The following NKAIN3 variants were observed in gnomAD, a reference collection of about 807,000 sequenced individuals.
NKAIN3 encodes the protein sodium/potassium transporting ATPase interacting 3.
In NKAIN3, 25 loss-of-function variants were observed where a neutral mutation model predicts 30.2. The observed-to-expected ratio is 0.83, with a 90% CI of 0.60 to 1.16. The LOEUF is 1.16. NKAIN3 is among the 50% of genes most tolerant of loss of function. The pLI is 0.00. For missense variants in NKAIN3, 225 were observed against 254.1 expected (o/e 0.89, Z 0.78); for synonymous variants, 91 against 89.6 (o/e 1.02, Z -0.09).
intron 5 of NKAIN3, among the ~76,000 whole-genome samples, chr8:62,948,208 CT>C (rs1253510882): frequency 7.1e-6 from 1 of 140,754 alleles, no homozygotes; most frequent in African/African-American, 2.7e-5. Flanking sequence ...TTTTTTTTTT[CT>C]TTTTTTGAGA....
chr8:62,613,582 GTTA>G (rs1277473474), intron 3 of NKAIN3, among the ~76,000 whole-genome samples: 1 of 151,970 alleles, frequency 6.6e-6, no homozygotes. Context: ...GACTTTCTCT[GTTA>G]TTATCCTTTT....
At chr8:62,750,968 A>G (rs1365885779) in intron 4 of NKAIN3, among the ~76,000 whole-genome samples, 3 of 152,124 alleles carry the variant, frequency 2.0e-5, no homozygotes, top group Non-Finnish European at 4.4e-5. Flanking sequence ...CCTACACTTC[A>G]TGCATGCCTC....
intron 3 of NKAIN3, among the ~76,000 whole-genome samples, chr8:62,700,176 G>T (rs7350120): frequency 8.5e-5 from 13 of 152,144 alleles, no homozygotes; most frequent in Admixed American, 2.0e-4. Flanking sequence ...AATGACTTTA[G>T]GTAGTTTAGG....
chr8:62,938,741 A>T (rs1822861444), intron 5 of NKAIN3, among the ~76,000 whole-genome samples: 1 of 152,192 alleles, frequency 6.6e-6, no homozygotes, highest in South Asian at 2.1e-4. Flanking sequence ...AAACAAAAGA[A>T]TCTGAACAGC....
intron 1 of NKAIN3, among the ~76,000 whole-genome samples, chr8:62,561,450 G>C (rs1411281367): frequency 6.6e-6 from 1 of 152,076 alleles, no homozygotes; most frequent in Non-Finnish European, 1.5e-5. Context: ...CCATGAATGA[G>C]GCACAAATAA....
intron 4 of NKAIN3, among the ~76,000 whole-genome samples, chr8:62,854,471 A>C (rs994510792): frequency 3.3e-5 from 5 of 151,974 alleles, no homozygotes; most frequent in African/African-American, 1.2e-4. Flanking sequence ...TGTCCTTTTG[A>C]TCTTTGTTAG....
chr8:62,423,302 C>G (rs944002980), intron 1 of NKAIN3, among the ~76,000 whole-genome samples: 4 of 152,044 alleles, frequency 2.6e-5, no homozygotes, highest in African/African-American at 9.6e-5. Flanking sequence ...GTCCCTTACT[C>G]ATCAGATTTA....
intron 1 of NKAIN3, among the ~76,000 whole-genome samples, chr8:62,440,373 A>G (rs1396454881): frequency 2.0e-5 from 3 of 152,196 alleles, no homozygotes; most frequent in East Asian, 3.9e-4. Flanking sequence ...TGCTGCTGAA[A>G]TGAGAGCATT....
chr8:62,272,987 A>G (rs2129393426), intron 1 of NKAIN3, among the ~76,000 whole-genome samples: 1 of 152,282 alleles, frequency 6.6e-6, no homozygotes, highest in East Asian at 1.9e-4. Context: ...TTTAGATACC[A>G]AAGGTCATTC....
At chr8:62,693,204 A>G (rs1814038091) in intron 3 of NKAIN3, among the ~76,000 whole-genome samples, 1 of 152,174 alleles carries the variant, frequency 6.6e-6, no homozygotes. Flanking sequence ...GCCTCACTTA[A>G]TTTTAATTGG....
At chr8:62,617,027 A>G (rs962962312) in intron 3 of NKAIN3, among the ~76,000 whole-genome samples, 2 of 152,002 alleles carry the variant, frequency 1.3e-5, no homozygotes, top group African/African-American at 4.8e-5. Context: ...AGTGTGTGGC[A>G]CCTTCTCCCT....
chr8:62,672,392 T>C (rs1654404576), intron 3 of NKAIN3, among the ~76,000 whole-genome samples: 1 of 152,194 alleles, frequency 6.6e-6, no homozygotes, highest in Non-Finnish European at 1.5e-5. Flanking sequence ...ACAGGACTTA[T>C]GAGACTCTGA....
chr8:62,316,151 C>G (rs1315547320), intron 1 of NKAIN3, among the ~76,000 whole-genome samples: 1 of 152,064 alleles, frequency 6.6e-6, no homozygotes, highest in Non-Finnish European at 1.5e-5. Flanking sequence ...TGAGGCCTCC[C>G]CAGCCCTACA....
chr8:62,924,770 T>C (rs1005692822), intron 5 of NKAIN3, among the ~76,000 whole-genome samples: 1 of 152,186 alleles, frequency 6.6e-6, no homozygotes. Context: ...AGAGTTCTGT[T>C]GTGAAAAGTT....
At chr8:62,642,394 T>C (rs1397885936) in intron 3 of NKAIN3, among the ~76,000 whole-genome samples, 1 of 152,108 alleles carries the variant, frequency 6.6e-6, no homozygotes, top group Non-Finnish European at 1.5e-5. Flanking sequence ...CATAACACAT[T>C]CTCACACCTA....
intron 3 of NKAIN3, among the ~76,000 whole-genome samples, chr8:62,622,037 A>T (rs115179095): frequency 0.02 from 3,006 of 152,190 alleles, 101 homozygotes; most frequent in African/African-American, 0.069. Flanking sequence ...TGTTATAGAA[A>T]TGCAATTTTA....
rs906113558 is a variant in NKAIN3, at chr8:62,983,257, T to A, written c.*17850T>A. 3 of 152,138 alleles carry A rather than the reference T, an allele frequency of 2.0e-5. No individual in the cohort carries two copies. The highest frequency in any genetic ancestry group is 7.2e-5 in the African/African-American group (3 of 41,408). The allele number at this position is 152,138 out of a possible 1,614,324, so 9.4% of individuals were successfully genotyped here. On this transcript the variant is annotated 3_prime_UTR_variant, in exon 7 of 7. Coordinates refer to ENST00000623646, the MANE Select transcript of NKAIN3 (RefSeq NM_001304533.3). The stretch of plus-strand genomic sequence containing the variant: ...AATATAAAGCAAAAAAAACAGATTC[T>A]ACCCACCGGGAGCTCCTAGTCCAGT...
At chr8:62,525,459 A>G (rs544017215) in intron 1 of NKAIN3, among the ~76,000 whole-genome samples, 1 of 152,220 alleles carries the variant, frequency 6.6e-6, no homozygotes, top group East Asian at 1.9e-4. Context: ...ATGTGTTCTC[A>G]TTATTTAGCT....
Position 62,960,885 on chromosome 8 carries a change from G to A in NKAIN3, c.604-4469G>A, listed in dbSNP as rs543229160. Among the ~76,000 whole-genome samples the A allele has an allele frequency of 1.2e-4, 19 of 152,170 alleles. No individual in the cohort carries two copies. In the East Asian group the frequency reaches 3.7e-3, roughly 29 times the overall value. On this transcript the variant is annotated intron_variant, in intron 6 of 6. Transcript: ENST00000623646. ...ACATATCTACAAACGTCTGCAAACAGAGAGAGAGAAAAAGAGAAAGAAAGA... is the reference window on the plus strand; with the variant it reads ...ACATATCTACAAACGTCTGCAAACAAAGAGAGAGAAAAAGAGAAAGAAAGA...
Sources: allele counts gnomAD v4.1 joint callset (sites outside exome capture counted in the v4.1 genomes callset), GRCh38; gene constraint gnomAD v4.1.1; transcripts MANE v1.5; gene names NCBI Gene and HGNC (gene_info 2026-07-23, HGNC 2026-07-21).